Variants in NPLOC4 observed in about 807,000 individuals in gnomAD.
NPLOC4 encodes the protein NPL4 homolog, ubiquitin recognition factor, also known as nuclear protein localization protein 4 homolog.
Under a neutral mutation model 80.6 loss-of-function variants are expected in NPLOC4, and 18 were observed. The observed-to-expected ratio is 0.22, with a 90% CI of 0.15 to 0.33. The LOEUF (loss-of-function observed/expected upper bound fraction) is 0.33. Among genes scored for constraint, NPLOC4 ranks in the 10% least tolerant of loss-of-function variants. NPLOC4 has a pLI of 1.00. For synonymous variants in NPLOC4, 313 were observed against 301.5 expected, an observed-to-expected ratio of 1.04 and a Z score of -0.39; for missense variants, 540 against 786.1, an observed-to-expected ratio of 0.69 and a Z score of 3.74.
chr17:81,579,191 T>C lies in NPLOC4; in HGVS notation c.1282-7103A>G, dbSNP rs556814858. 2.6e-5 allele frequency among the ~76,000 whole-genome samples: 4 copies of C among 152,270 alleles called. No homozygotes were observed. The South Asian group carries it at 8.3e-4, about 32-fold the overall frequency. The stretch of plus-strand genomic sequence containing the variant: ...GAGTTTGAGACCAGCCTGGCCAACA[T>C]GGCAAAACCCCTCTCTACTAAAAAT... On this transcript the variant is annotated intron_variant, in intron 12 of 16. Transcript: ENST00000331134.
At chr17:81,627,902 T>A (rs2035836489) in intron 2 of NPLOC4, among the ~76,000 whole-genome samples, 1 of 151,340 alleles carries the variant, frequency 6.6e-6, no homozygotes, top group Non-Finnish European at 1.5e-5. Context: ...CGCCACCACA[T>A]TCCAGCCTGG....
rs556403749 is a variant in NPLOC4, at chr17:81,565,227, A to T, written c.1669+278T>A. On this transcript the variant is annotated intron_variant, in intron 16 of 16. Coordinates refer to ENST00000331134, the MANE Select transcript of NPLOC4 (RefSeq NM_017921.4). Reference sequence around the variant, plus strand: ...CAATGATGTTCAAAGTGCTCCTAGGATGCCTGGAGATTAGTATCTCTGATG... The same window carrying T: ...CAATGATGTTCAAAGTGCTCCTAGGTTGCCTGGAGATTAGTATCTCTGATG... The T allele has an allele frequency of 2.8e-5, 18 of 652,456 alleles. No individual in the cohort carries two copies. In the African/African-American group the frequency reaches 3.3e-4, roughly 12 times the overall value. 40.4% of individuals were successfully genotyped at this position (652,456 alleles called of 1,614,324 possible).
chr17:81,625,914 C>T (rs1200590442), intron 2 of NPLOC4, among the ~76,000 whole-genome samples: 1 of 151,892 alleles, frequency 6.6e-6, no homozygotes, highest in Non-Finnish European at 1.5e-5. Context: ...TTTGGGAGGC[C>T]GAGTTGGGCA....
At chr17:81,566,301 C>T (rs3935538) in intron 15 of NPLOC4, 10,376 of 152,248 alleles carry the variant, frequency 0.068, 478 homozygotes, top group Non-Finnish European at 0.098. Context: ...CAATGCACTC[C>T]GGTCTGGGCA....
chr17:81,606,847 T>C (rs761180343), intron 6 of NPLOC4, 33 bp from the exon 7 acceptor site: 22 of 1,552,508 alleles, frequency 1.4e-5, no homozygotes, highest in South Asian at 4.6e-5. Flanking sequence ...AAACATCACA[T>C]TGGTGAAAAG....
chr17:81,606,634 G>A, intron 7 of NPLOC4, 57 bp downstream of exon 7: 1 of 1,580,246 alleles, frequency 6.3e-7, no homozygotes. Context: ...GGGCTCTTCT[G>A]GAAATATCCG....
intron 16 of NPLOC4, chr17:81,564,109 C>CACACACACACACACACACAGACACAG (rs751782727): frequency 1.5e-5 from 5 of 334,464 alleles, no homozygotes; most frequent in African/African-American, 1.1e-4. Context: ...CACACACACA[C>CACACACACACACACACACAGACACAG]ACACACACAA....
At chr17:81,595,528 A>AT (rs1276260783) in intron 11 of NPLOC4, among the ~76,000 whole-genome samples, 31 of 99,796 alleles carry the variant, frequency 3.1e-4, no homozygotes, top group Middle Eastern at 5.0e-3. Flanking sequence ...ATACATATAT[A>AT]TATATATTTT....
At chr17:81,593,077 C>G (rs1180880798) in intron 11 of NPLOC4, among the ~76,000 whole-genome samples, 1 of 152,160 alleles carries the variant, frequency 6.6e-6, no homozygotes, top group Non-Finnish European at 1.5e-5. Flanking sequence ...TGTTCCATAT[C>G]CCACAAGACT....
chr17:81,580,018 A>AGGGAGCTCCT lies in NPLOC4; in HGVS notation c.1282-7940_1282-7931dup, dbSNP rs1417157876. Among the ~76,000 whole-genome samples, 1 of 152,066 alleles carries AGGGAGCTCCT rather than the reference A, an allele frequency of 6.6e-6. No homozygotes were observed. The highest frequency in any genetic ancestry group is 2.4e-5 in the African/African-American group (1 of 41,392). On this transcript the variant is annotated intron_variant, in intron 12 of 16. Coordinates refer to ENST00000331134, the MANE Select transcript of NPLOC4 (RefSeq NM_017921.4). This position sits in a 1 kb window ranked among gnomAD's most constrained non-coding sequence, Gnocchi z 4.4. Reference sequence around the variant, plus strand: ...GCAAAGCCTCCTCTCCTGACTCACCAGGGAGCTCCTTTCTTGCCTGCCTTC... The same window carrying AGGGAGCTCCT: ...GCAAAGCCTCCTCTCCTGACTCACCAGGGAGCTCCTGGGAGCTCCTTTCTTGCCTGCCTTC...
intron 1 of NPLOC4, among the ~76,000 whole-genome samples, chr17:81,636,704 CGTAAGT>C (rs2036087166): frequency 6.6e-6 from 1 of 152,036 alleles, no homozygotes; most frequent in Non-Finnish European, 1.5e-5. Context: ...GAACCGGGGT[CGTAAGT>C]CCCCTGGGGA....
intron 3 of NPLOC4, among the ~76,000 whole-genome samples, chr17:81,614,567 GGGTTTCTGCTTGTCTCT>G (rs1406544373): frequency 3.7e-4 from 36 of 97,152 alleles, no homozygotes; most frequent in Non-Finnish European, 6.2e-4. Context: ...TCAGACTTAA[GGGTTTCTGCTTGTCTCT>G]GAAGCTACTG....
chr17:81,578,177 A>C (rs2034350707), intron 12 of NPLOC4, among the ~76,000 whole-genome samples: 1 of 152,064 alleles, frequency 6.6e-6, no homozygotes, highest in Non-Finnish European at 1.5e-5. Context: ...CACTTTCCAT[A>C]AGTCTTTCCA....
At chr17:81,562,491 A>G (rs981314323) in intron 16 of NPLOC4, 1 of 152,214 alleles carries the variant, frequency 6.6e-6, no homozygotes, top group Admixed American at 6.5e-5. Flanking sequence ...GTGAGCTGAG[A>G]TCACACTACT....
chr17:81,604,530 G>C lies in NPLOC4; in HGVS notation c.834+18C>G, dbSNP rs2035147071. 1 of 1,607,008 alleles carries C rather than the reference G, an allele frequency of 6.2e-7. No homozygotes were observed. Among genetic ancestry groups the C allele is most frequent in the Non-Finnish European group, 8.5e-7 (1 of 1,176,548 alleles). On this transcript the variant is annotated intron_variant, in intron 8 of 16. Coordinates refer to ENST00000331134, the MANE Select transcript of NPLOC4 (RefSeq NM_017921.4). ...TCCAAACACAGAAACTCAGGAACTT[G>C]AATCCCGTCATGTTTACCTGAGGTG...
intron 2 of NPLOC4, among the ~76,000 whole-genome samples, chr17:81,628,084 C>CCA (rs1456155927): frequency 7.0e-6 from 1 of 143,108 alleles, no homozygotes; most frequent in East Asian, 2.2e-4. Context: ...TGGTGGTGGG[C>CCA]GCCTGTAGTC....
intron 3 of NPLOC4, among the ~76,000 whole-genome samples, chr17:81,618,583 T>TG (rs1195936976): frequency 1.6e-5 from 1 of 62,388 alleles, no homozygotes; most frequent in Non-Finnish European, 2.8e-5. Flanking sequence ...GGGAGGGAGG[T>TG]GGGGGGTCAG....
At chr17:81,633,319 G>A (rs935151261) in intron 1 of NPLOC4, among the ~76,000 whole-genome samples, 2 of 151,810 alleles carry the variant, frequency 1.3e-5, no homozygotes, top group African/African-American at 4.9e-5. Context: ...CTGTTCTAAT[G>A]AAGGGGAACA....
Position 81,557,148 on chromosome 17 carries a change from G to A in NPLOC4, c.*2111C>T, listed in dbSNP as rs2033665183. 6.6e-6 allele frequency: 1 copy of A among 152,276 alleles called. No individual in the cohort carries two copies. Among genetic ancestry groups the A allele is most frequent in the African/African-American group, 2.4e-5 (1 of 41,450 alleles). 9.4% of individuals were successfully genotyped at this position (152,276 alleles called of 1,614,324 possible). A position where few individuals can be genotyped will look rare whatever the true frequency, so the allele number is the denominator to read the frequency against. On this transcript the variant is annotated 3_prime_UTR_variant, in exon 17 of 17. Coordinates refer to ENST00000331134, the MANE Select transcript of NPLOC4 (RefSeq NM_017921.4). Reference sequence around the variant, plus strand: ...TGGTGCTGGTAGCATGAGAGGGTGTGTCCACACCAAGGGCAGGTGAAGATG... The same window carrying A: ...TGGTGCTGGTAGCATGAGAGGGTGTATCCACACCAAGGGCAGGTGAAGATG...
Sources: gnomAD v4.1 joint callset for allele counts (sites outside exome capture counted in the v4.1 genomes callset) on GRCh38, gnomAD v4.1.1 for gene constraint, Gnocchi (gnomAD v3.1) non-coding constraint, MANE v1.5 for transcripts, NCBI Gene and HGNC (gene_info 2026-07-23, HGNC 2026-07-21) for gene names.